The following HDAC4 variants were observed in gnomAD, a reference collection of about 807,000 sequenced individuals.
HDAC4 encodes the protein histone deacetylase A.
A neutral mutation model predicts 135.1 loss-of-function variants in HDAC4; 16 were observed. The ratio of observed to expected loss-of-function variants is 0.12; its 90% CI spans 0.08 to 0.18. The LOEUF (loss-of-function observed/expected upper bound fraction) is 0.18. Ranked by LOEUF, HDAC4 falls within the 10% of genes least tolerant of loss-of-function variation. The pLI is 1.00. For missense variants in HDAC4, 1,143 were observed against 1,511.8 expected, an observed-to-expected ratio of 0.76 and a Z score of 4.05; for synonymous variants, 685 against 653.4, an observed-to-expected ratio of 1.05 and a Z score of -0.74.
At chr2:239,105,233 G>A (rs1448693543) in intron 15 of HDAC4, among the ~76,000 whole-genome samples, 1 of 152,212 alleles carries the variant, frequency 6.6e-6, no homozygotes, top group Non-Finnish European at 1.5e-5. Context: ...GCAAATCCCA[G>A]TGGTGGCCCT....
intron 12 of HDAC4, 110 bp downstream of exon 12, chr2:239,126,346 G>T: frequency 1.9e-6 from 3 of 1,572,356 alleles, no homozygotes; most frequent in Non-Finnish European, 2.6e-6. Flanking sequence ...CCCTCTTTCT[G>T]CCTCCTGGCC....
chr2:239,124,761 G>A (rs866045047), intron 12 of HDAC4, among the ~76,000 whole-genome samples: 342 of 31,294 alleles, frequency 0.011, 18 homozygotes, highest in Middle Eastern at 0.036. Context: ...TCCATGTTAT[G>A]TGACATTCTG....
intron 2 of HDAC4, among the ~76,000 whole-genome samples, chr2:239,291,009 G>A (rs368076627): frequency 5.4e-4 from 83 of 152,368 alleles, no homozygotes; most frequent in African/African-American, 1.8e-3. Context: ...AGAAAACCGA[G>A]GACAAAAGGA....
intron 2 of HDAC4, among the ~76,000 whole-genome samples, chr2:239,261,695 G>A (rs139284829): frequency 3.9e-5 from 6 of 152,312 alleles, no homozygotes; most frequent in Admixed American, 1.3e-4. Context: ...AGAAGTCAGC[G>A]TCCTAAGAGG....
chr2:239,119,158 GTGAC>G (rs1217857027), intron 12 of HDAC4, among the ~76,000 whole-genome samples: 5 of 152,230 alleles, frequency 3.3e-5, no homozygotes, highest in East Asian at 1.9e-4. Flanking sequence ...GTAACGGGAT[GTGAC>G]TGACTGAGTG....
At chr2:239,293,006 G>A (rs780294038) in intron 2 of HDAC4, among the ~76,000 whole-genome samples, 7 of 152,206 alleles carry the variant, frequency 4.6e-5, no homozygotes, top group Admixed American at 2.6e-4. Flanking sequence ...ACAGCTGAAT[G>A]TCCCTATAGA....
At position 239,242,612 on chromosome 2, in the gene HDAC4, C is replaced by T. The variant is rs76922919; in HGVS notation, c.23-5948G>A. ...AATAATGACAGTTGTTTCCACCTTCCAGACCTCACACCTTTTCTTCTTCTT... is the reference window on the plus strand; with the variant it reads ...AATAATGACAGTTGTTTCCACCTTCTAGACCTCACACCTTTTCTTCTTCTT... On this transcript the variant is annotated intron_variant, in intron 2 of 26. Coordinates refer to ENST00000543185, the MANE Select transcript of HDAC4 (RefSeq NM_001378414.1). 1.3e-3 allele frequency among the ~76,000 whole-genome samples: 193 copies of T among 152,264 alleles called. No homozygotes were observed. The Middle Eastern group carries it at 0.024, about 19-fold the overall frequency.
chr2:239,208,139 G>A (rs577654735), intron 3 of HDAC4, among the ~76,000 whole-genome samples: 4 of 151,466 alleles, frequency 2.6e-5, no homozygotes, highest in South Asian at 2.1e-4. Context: ...TGGCTAACAC[G>A]GTGAAACCCC....
At chr2:239,395,407 A>AC (rs1696492325) in intron 1 of HDAC4, among the ~76,000 whole-genome samples, 1 of 152,194 alleles carries the variant, frequency 6.6e-6, no homozygotes, top group Non-Finnish European at 1.5e-5. Context: ...GTCAGTCCCC[A>AC]CCTTGAAGAG....
intron 16 of HDAC4, among the ~76,000 whole-genome samples, chr2:239,096,570 AC>A (rs1283767816): frequency 5.7e-5 from 2 of 35,090 alleles, no homozygotes; most frequent in Non-Finnish European, 1.0e-4. Context: ...AGACGCCTAC[AC>A]CCCCCACGAA....
intron 2 of HDAC4, among the ~76,000 whole-genome samples, chr2:239,249,924 C>T (rs970500128): frequency 6.6e-6 from 1 of 152,230 alleles, no homozygotes; most frequent in Non-Finnish European, 1.5e-5. Flanking sequence ...GTTCTGCCGT[C>T]TCTCACCCCG....
intron 22 of HDAC4, among the ~76,000 whole-genome samples, chr2:239,073,976 A>C (rs1050797404): frequency 5.3e-5 from 8 of 149,996 alleles, no homozygotes; most frequent in Admixed American, 5.3e-4. Context: ...GGGGGGCCGC[A>C]GGACTGAGGG....
At chr2:239,361,898 C>A (rs1559384800) in intron 1 of HDAC4, among the ~76,000 whole-genome samples, 1 of 152,202 alleles carries the variant, frequency 6.6e-6, no homozygotes, top group Non-Finnish European at 1.5e-5. Flanking sequence ...GATTAGAGAA[C>A]TACGATGATC....
In HDAC4 at chr2:239,386,026, C is replaced by G. The variant is rs547303053; in HGVS notation, c.-220+14952G>C. Among the ~76,000 whole-genome samples the G allele has an allele frequency of 3.3e-5, 5 of 152,250 alleles. No individual in the cohort carries two copies. In the South Asian group the frequency reaches 1.0e-3, roughly 32 times the overall value. On this transcript the variant is annotated intron_variant, in intron 1 of 26. Transcript: ENST00000543185. ...AGGATGAGGGAGAAGGAATCTGGGTCGGGGAGGCTGGGCCAAACCCTGGAA... is the reference window on the plus strand; with the variant it reads ...AGGATGAGGGAGAAGGAATCTGGGTGGGGGAGGCTGGGCCAAACCCTGGAA...
At chr2:239,106,249 C>T (rs1022550990) in intron 15 of HDAC4, among the ~76,000 whole-genome samples, 2 of 152,188 alleles carry the variant, frequency 1.3e-5, no homozygotes, top group Non-Finnish European at 2.9e-5. Flanking sequence ...TTTCTCACTC[C>T]TCCCTCCCTT....
At chr2:239,201,362 A>T (rs1410109141) in intron 3 of HDAC4, among the ~76,000 whole-genome samples, 1 of 152,100 alleles carries the variant, frequency 6.6e-6, no homozygotes, top group Non-Finnish European at 1.5e-5. Context: ...GTAGAGACCC[A>T]AGCATCCCTG....
intron 3 of HDAC4, among the ~76,000 whole-genome samples, chr2:239,220,842 A>T (rs981823916): frequency 6.6e-6 from 1 of 152,258 alleles, no homozygotes; most frequent in African/African-American, 2.4e-5. Context: ...AGATAATTAT[A>T]GATTCACAGG....
chr2:239,278,413 C>T (rs917591204), intron 2 of HDAC4, among the ~76,000 whole-genome samples: 2 of 152,174 alleles, frequency 1.3e-5, no homozygotes. Context: ...CAAGGGCTCA[C>T]GCCTATAATC....
chr2:239,142,770 G>C (rs1239349683), intron 8 of HDAC4, among the ~76,000 whole-genome samples: 48 of 150,054 alleles, frequency 3.2e-4, no homozygotes, highest in Non-Finnish European at 3.5e-4. Context: ...GGTGAGCTCA[G>C]CATTGATCAC....
Sources: allele counts gnomAD v4.1 joint callset (sites outside exome capture counted in the v4.1 genomes callset), GRCh38; gene constraint gnomAD v4.1.1; transcripts MANE v1.5; gene names NCBI Gene and HGNC (gene_info 2026-07-23, HGNC 2026-07-21).